The following SYT1 variants were observed in gnomAD, a reference collection of about 807,000 sequenced individuals.
SYT1 encodes the protein synaptotagmin-1.
In SYT1, 8 loss-of-function variants were observed where a neutral mutation model predicts 44.8. The ratio of observed to expected loss-of-function variants is 0.18; its 90% CI spans 0.10 to 0.32. The LOEUF (loss-of-function observed/expected upper bound fraction) is 0.32, where lower values mean the gene tolerates loss of function less well. Ranked by LOEUF, SYT1 falls within the 10% of genes least tolerant of loss-of-function variation. The probability of loss-of-function intolerance (pLI) is 1.00; values close to 1 mark genes in which losing one functional copy is unlikely to be tolerated. For missense variants in SYT1, 286 were observed against 509.3 expected (o/e 0.56, Z 4.22); for synonymous variants, 154 against 188.8 (o/e 0.82, Z 1.51).
At chr12:79,310,735 C>T (rs1353677134) in intron 8 of SYT1, among the ~76,000 whole-genome samples, 2 of 152,168 alleles carry the variant, frequency 1.3e-5, no homozygotes, top group East Asian at 3.8e-4. Context: ...CTTCACGTCC[C>T]TCGTAAGTTG....
chr12:79,345,509 A>G (rs1262433433), intron 8 of SYT1, among the ~76,000 whole-genome samples: 2 of 152,216 alleles, frequency 1.3e-5, no homozygotes, highest in Middle Eastern at 3.2e-3. Flanking sequence ...TAAACCAATG[A>G]GTTACAGAGT....
chr12:79,196,175 G>GT (rs374847174), intron 3 of SYT1, among the ~76,000 whole-genome samples: 90,308 of 147,916 alleles, frequency 0.61, 28,253 homozygotes, highest in Admixed American at 0.68. Flanking sequence ...TGTTGTTGTT[G>GT]TTGTTGTTGT....
At chr12:78,976,768 C>A (rs1868868712) in intron 1 of SYT1, 1 of 152,014 alleles carries the variant, frequency 6.6e-6, no homozygotes, top group Admixed American at 6.6e-5. Flanking sequence ...TAACAAATGA[C>A]AAATTTTATA....
At chr12:78,923,709 C>CTGTGTG (rs71091636) in intron 1 of SYT1, among the ~76,000 whole-genome samples, 1 of 150,994 alleles carries the variant, frequency 6.6e-6, no homozygotes, top group African/African-American at 2.4e-5. Context: ...CTCTCTCTCT[C>CTGTGTG]TGTGTGTGTG....
At chr12:79,108,661 C>T (rs148557993) in intron 3 of SYT1, among the ~76,000 whole-genome samples, 1,533 of 152,168 alleles carry the variant, frequency 0.01, 17 homozygotes, top group Non-Finnish European at 0.017. Context: ...TTCTATAATA[C>T]TACACATTAT....
intron 3 of SYT1, among the ~76,000 whole-genome samples, chr12:79,097,350 G>A (rs754102690): frequency 2.6e-5 from 4 of 151,984 alleles, no homozygotes; most frequent in Middle Eastern, 3.4e-3. Context: ...CCATACATCC[G>A]GTACATAAGC....
chr12:78,901,451 G>A (rs1266129062), intron 1 of SYT1, among the ~76,000 whole-genome samples: 1 of 152,066 alleles, frequency 6.6e-6, no homozygotes, highest in Non-Finnish European at 1.5e-5. Flanking sequence ...AAAGGGATTG[G>A]AGACAGCAAA....
chr12:79,440,247 T>G (rs1316816028), intron 9 of SYT1, among the ~76,000 whole-genome samples: 1 of 152,170 alleles, frequency 6.6e-6, no homozygotes, highest in Non-Finnish European at 1.5e-5. Flanking sequence ...CTCAACTACT[T>G]TTTTAAGATA....
chr12:79,434,651 C>T (rs1869985582), intron 9 of SYT1, among the ~76,000 whole-genome samples: 1 of 152,180 alleles, frequency 6.6e-6, no homozygotes, highest in African/African-American at 2.4e-5. Context: ...AACTCTGTCT[C>T]TGTTACTACT....
rs892410488 is a variant in SYT1 at position 79,299,983 on chromosome 12, T to A, written c.810+432T>A. Among the ~76,000 whole-genome samples, 4 of 152,304 alleles carry A rather than the reference T, an allele frequency of 2.6e-5. No individual in the cohort carries two copies. In the Middle Eastern group the frequency reaches 0.01, roughly 389 times the overall value. On this transcript the variant is annotated intron_variant, in intron 8 of 10. Coordinates refer to ENST00000261205, the MANE Select transcript of SYT1 (RefSeq NM_005639.3). ...AAATGGTACTTTTTCCTTGATTGTT[T>A]CTGCATATCACAGACAGTTCATTGT...
chr12:78,933,871 T>A (rs1877889805), intron 1 of SYT1, among the ~76,000 whole-genome samples: 1 of 151,530 alleles, frequency 6.6e-6, no homozygotes, highest in South Asian at 2.1e-4. Context: ...ACATTAAAAT[T>A]TAAGGGAACA....
chr12:79,439,057 C>G (rs938027906), intron 9 of SYT1, among the ~76,000 whole-genome samples: 26 of 152,140 alleles, frequency 1.7e-4, no homozygotes, highest in African/African-American at 6.0e-4. Flanking sequence ...AAAAATAAAC[C>G]TCAAGCCTGA....
chr12:79,430,824 A>G (rs1175749569), intron 9 of SYT1, among the ~76,000 whole-genome samples: 1 of 152,202 alleles, frequency 6.6e-6, no homozygotes, highest in Admixed American at 6.5e-5. Context: ...AGAGACGCTC[A>G]GTAGGTATTT....
At chr12:79,293,484 C>T (rs1879736903) in intron 6 of SYT1, among the ~76,000 whole-genome samples, 1 of 152,044 alleles carries the variant, frequency 6.6e-6, no homozygotes, top group Non-Finnish European at 1.5e-5. Context: ...TTGCTTCTCT[C>T]ATCTTTTTGG....
intron 4 of SYT1, among the ~76,000 whole-genome samples, chr12:79,285,018 G>C (rs1283377269): frequency 6.6e-6 from 1 of 152,108 alleles, no homozygotes; most frequent in Non-Finnish European, 1.5e-5. Flanking sequence ...AGCAATCTGA[G>C]TAGAGTCACA....
At chr12:78,887,494 TAGTA>T (rs1226529506) in intron 1 of SYT1, among the ~76,000 whole-genome samples, 1 of 151,924 alleles carries the variant, frequency 6.6e-6, no homozygotes, top group Non-Finnish European at 1.5e-5. Context: ...TTAACAGCGA[TAGTA>T]AGAATAAATC....
chr12:79,011,606 T>A (rs1348761446), intron 2 of SYT1, among the ~76,000 whole-genome samples: 1 of 151,336 alleles, frequency 6.6e-6, no homozygotes, highest in Non-Finnish European at 1.5e-5. Flanking sequence ...TAGGGAAGAA[T>A]TTTTAAAACA....
chr12:79,071,760 A>G (rs1329486310), intron 3 of SYT1, among the ~76,000 whole-genome samples: 7 of 151,994 alleles, frequency 4.6e-5, no homozygotes, highest in Admixed American at 4.6e-4. Flanking sequence ...GTCTTCCCTC[A>G]TTGTCTTTGT....
chr12:79,259,595 AT>A (rs1049452632), intron 4 of SYT1, among the ~76,000 whole-genome samples: 1 of 152,102 alleles, frequency 6.6e-6, no homozygotes, highest in African/African-American at 2.4e-5. Context: ...TTAGCCAGGC[AT>A]TGTGTCATGC....
Sources: allele counts gnomAD v4.1 joint callset (sites outside exome capture counted in the v4.1 genomes callset), GRCh38; gene constraint gnomAD v4.1.1; transcripts MANE v1.5; gene names NCBI Gene and HGNC (gene_info 2026-07-23, HGNC 2026-07-21).